The following SUSD4 variants were observed in gnomAD, a reference collection of about 807,000 sequenced individuals.
The protein encoded by SUSD4 is sushi domain-containing protein 4.
SUSD4 carries 41 observed loss-of-function variants against 50.5 expected under a neutral mutation model. The ratio of observed to expected loss-of-function variants is 0.81; its 90% CI spans 0.63 to 1.05. The LOEUF (loss-of-function observed/expected upper bound fraction) is 1.05. Ranked by LOEUF, SUSD4 falls within the 50% of genes least tolerant of loss-of-function variation. SUSD4 has a pLI of 0.00. For synonymous variants in SUSD4, 257 were observed against 257.3 expected (o/e 1.00, Z 0.01); for missense variants, 580 against 634.7 (o/e 0.91, Z 0.93).
intron 2 of SUSD4, among the ~76,000 whole-genome samples, chr1:223,301,884 C>G (rs1007918469): frequency 1.3e-5 from 2 of 152,124 alleles, no homozygotes; most frequent in African/African-American, 4.8e-5. Context: ...TCACCTTACA[C>G]CACCTTGAGT....
intron 2 of SUSD4, among the ~76,000 whole-genome samples, chr1:223,329,123 T>G (rs1667033888): frequency 6.6e-6 from 1 of 152,198 alleles, no homozygotes; most frequent in South Asian, 2.1e-4. Flanking sequence ...CTCCCTGACC[T>G]CTCTGTGGGT....
At chr1:223,265,091 G>T (rs994214114) in intron 4 of SUSD4, among the ~76,000 whole-genome samples, 3 of 152,214 alleles carry the variant, frequency 2.0e-5, no homozygotes, top group African/African-American at 4.8e-5. Flanking sequence ...ACTGTGGATT[G>T]TACACCCTCA....
chr1:223,294,131 A>G (rs1326392064), intron 2 of SUSD4, among the ~76,000 whole-genome samples: 2 of 152,180 alleles, frequency 1.3e-5, no homozygotes, highest in Admixed American at 1.3e-4. Flanking sequence ...TCACAAAATC[A>G]ATAGACAAAT....
intron 2 of SUSD4, among the ~76,000 whole-genome samples, chr1:223,294,184 G>T (rs556734380): frequency 9.1e-4 from 138 of 152,274 alleles, no homozygotes; most frequent in African/African-American, 3.0e-3. Flanking sequence ...ATAACTCTAT[G>T]TAGATGGGGA....
At chr1:223,363,564 C>G in intron 1 of SUSD4, 104 bp from the exon 2 acceptor site, 1 of 1,296,012 alleles carries the variant, frequency 7.7e-7, no homozygotes, top group Non-Finnish European at 1.0e-6. Context: ...TTCCCAGGCT[C>G]CATCCTGGTT....
At chr1:223,361,444 C>T (rs1668972531) in intron 2 of SUSD4, among the ~76,000 whole-genome samples, 1 of 152,124 alleles carries the variant, frequency 6.6e-6, no homozygotes, top group African/African-American at 2.4e-5. Flanking sequence ...TTACTCTCAT[C>T]CTCTTCTCCA....
chr1:223,288,855 A>G (rs1194968336), intron 3 of SUSD4, among the ~76,000 whole-genome samples: 1 of 152,234 alleles, frequency 6.6e-6, no homozygotes, highest in Non-Finnish European at 1.5e-5. Context: ...TCATCACCAC[A>G]CAAAGTCTGA....
In SUSD4 at chr1:223,354,235, G is replaced by A. The variant is rs543167646; in HGVS notation, c.148+9043C>T. Among the ~76,000 whole-genome samples, 219 of 151,316 alleles carry A rather than the reference G, an allele frequency of 1.4e-3. 1 individual carries two copies. The highest frequency in any genetic ancestry group is 2.2e-3 in the Non-Finnish European group (147 of 67,892). On this transcript the variant is annotated intron_variant, in intron 2 of 8. Coordinates refer to ENST00000366878, the MANE Select transcript of SUSD4 (RefSeq NM_017982.4). ...CAAATAATACACAAATAAGTCTCCC[G>A]CCCCCAAATAAGAGGAGCAATCAAT...
chr1:223,356,757 G>A (rs1668690922), intron 2 of SUSD4, among the ~76,000 whole-genome samples: 1 of 152,038 alleles, frequency 6.6e-6, no homozygotes, highest in Admixed American at 6.5e-5. Flanking sequence ...GGAACCCTAG[G>A]ACAGCAATCT....
In SUSD4 at chr1:223,304,452, A is replaced by AC. The variant is rs1665391341; in HGVS notation, c.149-11802dup. On this transcript the variant is annotated intron_variant, in intron 2 of 8. Coordinates refer to ENST00000366878, the MANE Select transcript of SUSD4 (RefSeq NM_017982.4). Reference sequence around the variant, plus strand: ...ATCAATTTTAAGGGTCTTGACCAGCACCCTTTAGAAATGAAGTGGAACAGA... The same window carrying AC: ...ATCAATTTTAAGGGTCTTGACCAGCACCCCTTTAGAAATGAAGTGGAACAGA... Among the ~76,000 whole-genome samples the AC allele has an allele frequency of 3.3e-5, 5 of 152,112 alleles. 1 individual carries two copies. The South Asian group carries it at 1.0e-3, about 32-fold the overall frequency.
chr1:223,263,828 CCA>C, intron 5 of SUSD4: 1 of 985,416 alleles, frequency 1.0e-6, no homozygotes, highest in Non-Finnish European at 1.2e-6. Flanking sequence ...GCTTTGTTTC[CCA>C]AACAAGGCTG....
intron 3 of SUSD4, among the ~76,000 whole-genome samples, chr1:223,284,216 A>G (rs1663976484): frequency 6.6e-6 from 1 of 152,172 alleles, no homozygotes; most frequent in African/African-American, 2.4e-5. Flanking sequence ...TGTACCCTAG[A>G]ACTTAAAGTA....
In SUSD4 at chr1:223,227,004, C is replaced by T. The variant is rs529700425; in HGVS notation, c.1061+590G>A. On this transcript the variant is annotated intron_variant, in intron 7 of 8. Transcript: ENST00000366878. The surrounding 1 kb of genome is among the most constrained non-coding windows in gnomAD (Gnocchi z 4.5). ...TGACTTGAGGCTGAAGATACCAACC[C>T]GAGCTGATTGGTGCAGCTCAGAAGG... Among the ~76,000 whole-genome samples the T allele has an allele frequency of 2.0e-5, 3 of 152,282 alleles. No individual in the cohort carries two copies. Among genetic ancestry groups the T allele is most frequent in the South Asian group, 4.1e-4 (2 of 4,826 alleles).
intron 3 of SUSD4, among the ~76,000 whole-genome samples, chr1:223,271,346 G>C (rs188693245): frequency 6.6e-6 from 1 of 152,148 alleles, no homozygotes; most frequent in Non-Finnish European, 1.5e-5. Flanking sequence ...GTGTAATGTA[G>C]AACGCTTTCA....
At chr1:223,252,106 T>A (rs549285578) in intron 5 of SUSD4, among the ~76,000 whole-genome samples, 2 of 144,430 alleles carry the variant, frequency 1.4e-5, no homozygotes. Flanking sequence ...CATTAGGAGA[T>A]ATACCTAATG....
chr1:223,344,960 C>T (rs931867191), intron 2 of SUSD4, among the ~76,000 whole-genome samples: 1 of 152,224 alleles, frequency 6.6e-6, no homozygotes, highest in Non-Finnish European at 1.5e-5. Context: ...TCTTCACTTT[C>T]ATTTATAACT....
At chr1:223,352,858 G>A (rs935708011) in intron 2 of SUSD4, among the ~76,000 whole-genome samples, 3 of 152,006 alleles carry the variant, frequency 2.0e-5, no homozygotes, top group Non-Finnish European at 4.4e-5. Flanking sequence ...CACCATGCCC[G>A]CACACCTCCA....
At chr1:223,263,664 C>T (rs938829862) in intron 5 of SUSD4, 1 of 985,286 alleles carries the variant, frequency 1.0e-6, no homozygotes, top group African/African-American at 1.7e-5. Flanking sequence ...CAACCCCACT[C>T]CACATCCCTA....
At chr1:223,350,975 CAAT>C (rs1191009343) in intron 2 of SUSD4, among the ~76,000 whole-genome samples, 3 of 152,168 alleles carry the variant, frequency 2.0e-5, no homozygotes, top group African/African-American at 7.2e-5. Context: ...AAAAATATAA[CAAT>C]AACAATGAAG....
Sources: allele counts gnomAD v4.1 joint callset (sites outside exome capture counted in the v4.1 genomes callset), GRCh38; gene constraint gnomAD v4.1.1; non-coding constraint Gnocchi (gnomAD v3.1); transcripts MANE v1.5; gene names NCBI Gene and HGNC (gene_info 2026-07-23, HGNC 2026-07-21).